The following THSD7B variants were observed in gnomAD, a reference collection of about 807,000 sequenced individuals.
The protein encoded by THSD7B is thrombospondin type 1 domain containing 7B, also known as thrombospondin type-1 domain-containing protein 7B.
THSD7B carries 138 observed loss-of-function variants against 213.6 expected under a neutral mutation model. The ratio of observed to expected loss-of-function variants is 0.65; its 90% confidence interval spans 0.56 to 0.74. The LOEUF (loss-of-function observed/expected upper bound fraction) is 0.74, where lower values mean the gene tolerates loss of function less well. Ranked by LOEUF, THSD7B falls within the 30% of genes least tolerant of loss-of-function variation. The pLI is 0.00. For missense variants in THSD7B, 1,931 were observed against 1,991.5 expected (o/e 0.97, Z 0.58); for synonymous variants, 742 against 687.0 (o/e 1.08, Z -1.25).
chr2:137,164,565 A>G (rs2104988423), intron 6 of THSD7B, among the ~76,000 whole-genome samples: 1 of 152,316 alleles, frequency 6.6e-6, no homozygotes, highest in South Asian at 2.1e-4. Context: ...ATGCTGCTAT[A>G]AAGACCCATG....
chr2:136,941,915 C>G lies in THSD7B; in HGVS notation c.139+59598C>G, dbSNP rs186395010. Among the ~76,000 whole-genome samples the G allele has an allele frequency of 1.4e-3, 212 of 152,200 alleles. 1 individual carries two copies. The highest frequency in any genetic ancestry group is 4.7e-3 in the African/African-American group (196 of 41,528). Reference sequence around the variant, plus strand: ...CTTTTGGTGTTTTAGTCATGAAGTCCTTGCCCATGCCTGTGTCCTGAAAGG... The same window carrying G: ...CTTTTGGTGTTTTAGTCATGAAGTCGTTGCCCATGCCTGTGTCCTGAAAGG... On this transcript the variant is annotated intron_variant, in intron 2 of 27. Transcript: ENST00000409968.
rs536296663 is a variant in THSD7B, at chr2:137,584,366, C to G, written c.3423+11810C>G. On this transcript the variant is annotated intron_variant, in intron 17 of 27. Transcript: ENST00000409968. ...GCCTGATTGCCTTGGCCAGAACTTC[C>G]AACACTATGAATACGAGTGGTGTGA... is the stretch of plus-strand genomic sequence containing the variant. Among the ~76,000 whole-genome samples the G allele has an allele frequency of 2.6e-5, 4 of 152,268 alleles. No individual in the cohort carries two copies. The East Asian group carries it at 7.7e-4, about 29-fold the overall frequency.
chr2:136,929,913 A>G (rs1684600067), intron 2 of THSD7B, among the ~76,000 whole-genome samples: 1 of 152,230 alleles, frequency 6.6e-6, no homozygotes, highest in Non-Finnish European at 1.5e-5. Context: ...TAACATTTTC[A>G]TGACAGCTAC....
At chr2:137,534,995 TATTTTTCTCC>T (rs143106404) in intron 15 of THSD7B, among the ~76,000 whole-genome samples, 11,065 of 151,836 alleles carry the variant, frequency 0.073, 438 homozygotes, top group African/African-American at 0.089. Context: ...TAAAAATCCC[TATTTTTCTCC>T]ATTTTTCTCT....
intron 12 of THSD7B, among the ~76,000 whole-genome samples, chr2:137,359,041 G>C (rs1172224808): frequency 1.3e-5 from 2 of 152,190 alleles, no homozygotes; most frequent in African/African-American, 4.8e-5. Context: ...TTTATCTGTA[G>C]ATGTCAAATC....
intron 2 of THSD7B, among the ~76,000 whole-genome samples, chr2:136,984,175 T>G (rs2104810203): frequency 6.6e-6 from 1 of 152,306 alleles, no homozygotes; most frequent in Non-Finnish European, 1.5e-5. Flanking sequence ...CTCATAGCAC[T>G]TTTCTGTCCC....
chr2:136,908,988 C>G (rs1233723180), intron 2 of THSD7B, among the ~76,000 whole-genome samples: 2 of 152,080 alleles, frequency 1.3e-5, no homozygotes, highest in African/African-American at 2.4e-5. Context: ...CGAGACCAGC[C>G]TGACCAACAT....
chr2:137,312,409 T>C (rs1463942417), intron 12 of THSD7B, among the ~76,000 whole-genome samples: 1 of 147,330 alleles, frequency 6.8e-6, no homozygotes, highest in East Asian at 1.9e-4. Flanking sequence ...TTTTCTTTAT[T>C]CGTCTTGCTA....
intron 17 of THSD7B, among the ~76,000 whole-genome samples, chr2:137,600,242 T>A (rs1682050634): frequency 6.6e-6 from 1 of 152,172 alleles, no homozygotes; most frequent in African/African-American, 2.4e-5. Context: ...AAAATGAGCA[T>A]TCAGCTTTGG....
chr2:136,854,951 T>G (rs1256821877), intron 1 of THSD7B, among the ~76,000 whole-genome samples: 1 of 152,128 alleles, frequency 6.6e-6, no homozygotes, highest in Admixed American at 6.5e-5. Flanking sequence ...AATTTCTCTT[T>G]AAAATATAAG....
chr2:136,830,140 A>G lies in THSD7B; in HGVS notation c.-35-52004A>G, dbSNP rs538539789. 4.6e-5 allele frequency among the ~76,000 whole-genome samples: 7 copies of G among 152,238 alleles called. No homozygotes were observed. In the East Asian group the frequency reaches 1.4e-3, roughly 29 times the overall value. On this transcript the variant is annotated intron_variant, in intron 1 of 27. Coordinates refer to ENST00000409968, the MANE Select transcript of THSD7B (RefSeq NM_001316349.2). Reference sequence around the variant, plus strand: ...CCTGTGCGCGCACACACACACACACACACATACCTGAGTGTGCATAAACAA... The same window carrying G: ...CCTGTGCGCGCACACACACACACACGCACATACCTGAGTGTGCATAAACAA...
intron 2 of THSD7B, among the ~76,000 whole-genome samples, chr2:136,947,156 C>T (rs55667106): frequency 0.074 from 11,261 of 152,150 alleles, 675 homozygotes; most frequent in African/African-American, 0.16. Flanking sequence ...GATTGTATGT[C>T]GCTAAGAGAA....
chr2:137,297,303 G>A (rs6743477), intron 12 of THSD7B, among the ~76,000 whole-genome samples: 9,202 of 149,890 alleles, frequency 0.061, 529 homozygotes, highest in African/African-American at 0.14. Context: ...GAAAGAAAAG[G>A]AAAAAGGAAA....
intron 15 of THSD7B, among the ~76,000 whole-genome samples, chr2:137,495,467 G>A (rs958665052): frequency 6.6e-6 from 1 of 152,072 alleles, no homozygotes; most frequent in African/African-American, 2.4e-5. Flanking sequence ...CTACCCTGGG[G>A]TTTACACCCT....
At chr2:137,212,990 C>T (rs956876222) in intron 7 of THSD7B, among the ~76,000 whole-genome samples, 8 of 108,682 alleles carry the variant, frequency 7.4e-5, no homozygotes, top group African/African-American at 1.4e-4. Context: ...TCTGCCACAA[C>T]AAAAATTGTT....
intron 15 of THSD7B, among the ~76,000 whole-genome samples, chr2:137,486,377 C>T (rs1402132847): frequency 6.7e-6 from 1 of 150,026 alleles, no homozygotes; most frequent in East Asian, 2.0e-4. Context: ...TTTAAACCAA[C>T]AAAGATCAAA....
At chr2:137,517,693 G>A (rs1019278567) in intron 15 of THSD7B, among the ~76,000 whole-genome samples, 2 of 152,180 alleles carry the variant, frequency 1.3e-5, no homozygotes, top group African/African-American at 4.8e-5. Flanking sequence ...AAGCTTCTCT[G>A]CCACTTGGGC....
chr2:137,407,800 T>C (rs760490009), intron 13 of THSD7B, among the ~76,000 whole-genome samples: 6 of 152,092 alleles, frequency 3.9e-5, no homozygotes, highest in Non-Finnish European at 7.4e-5. Flanking sequence ...GAGCGTTCTG[T>C]ATGTTGTACC....
rs1487962049 is a variant in THSD7B at position 137,002,272 on chromosome 2, A to G, written c.140-54148A>G. Among the ~76,000 whole-genome samples, 6 of 152,220 alleles carry G rather than the reference A, an allele frequency of 3.9e-5. No individual in the cohort carries two copies. In the South Asian group the frequency reaches 1.0e-3, roughly 26 times the overall value. On this transcript the variant is annotated intron_variant, in intron 2 of 27. Coordinates refer to ENST00000409968, the MANE Select transcript of THSD7B (RefSeq NM_001316349.2). ...TATACCTCCTCATGGGTGTTTCTCT[A>G]AAATCATAGACTACCCTAAATACCA...
Sources: allele counts gnomAD v4.1 joint callset (sites outside exome capture counted in the v4.1 genomes callset), GRCh38; gene constraint gnomAD v4.1.1; transcripts MANE v1.5; gene names NCBI Gene and HGNC (gene_info 2026-07-23, HGNC 2026-07-21).